Variants in DPP6 observed in about 807,000 individuals in gnomAD.
DPP6 encodes A-type potassium channel modulatory protein DPP6.
A neutral mutation model predicts 122.6 loss-of-function variants in DPP6; 69 were observed. The ratio of observed to expected loss-of-function variants is 0.56; its 90% CI spans 0.46 to 0.69. The LOEUF is 0.69. Ranked by LOEUF, DPP6 falls within the 30% of genes least tolerant of loss-of-function variation. The pLI, the probability that DPP6 is intolerant of heterozygous loss-of-function variation, is 0.00. For missense variants in DPP6, 928 were observed against 1,116.9 expected (o/e 0.83, Z 2.41); for synonymous variants, 418 against 433.1 (o/e 0.97, Z 0.43).
chr7:154,453,119 A>G (rs1820531053), intron 2 of DPP6, among the ~76,000 whole-genome samples: 1 of 152,180 alleles, frequency 6.6e-6, no homozygotes, highest in African/African-American at 2.4e-5. Context: ...CTCCGGTGCC[A>G]CAATCGCTGA....
chr7:154,085,942 C>T (rs1191410374), intron 1 of DPP6, among the ~76,000 whole-genome samples: 3 of 151,898 alleles, frequency 2.0e-5, no homozygotes, highest in Admixed American at 6.6e-5. Context: ...TGGCCAGGCT[C>T]GTCTTGAACT....
chr7:154,187,154 AC>A (rs1306357496), intron 1 of DPP6, among the ~76,000 whole-genome samples: 4 of 152,218 alleles, frequency 2.6e-5, no homozygotes, highest in African/African-American at 7.2e-5. Flanking sequence ...CAAGAACTGG[AC>A]TTTGGGTACT....
intron 9 of DPP6, among the ~76,000 whole-genome samples, chr7:154,772,223 G>C (rs980487952): frequency 6.6e-6 from 1 of 152,196 alleles, no homozygotes; most frequent in South Asian, 2.1e-4. Flanking sequence ...TCAGAGGCAT[G>C]AATAGGCAAG....
intron 1 of DPP6, among the ~76,000 whole-genome samples, chr7:154,440,071 A>AGATGAT (rs1383002657): frequency 1.3e-5 from 2 of 152,244 alleles, no homozygotes; most frequent in East Asian, 3.9e-4. Context: ...GCTTCCACTA[A>AGATGAT]GATGATGATG....
At chr7:153,880,325 T>A in the DPP6 span, among the ~76,000 whole-genome samples, 1 of 152,250 alleles carries the variant, frequency 6.6e-6, no homozygotes, top group South Asian at 2.1e-4. Flanking sequence ...ATATGTAAAG[T>A]AATTTCACAT....
At chr7:153,768,830 AT>A in the DPP6 span, among the ~76,000 whole-genome samples, 1 of 152,200 alleles carries the variant, frequency 6.6e-6, no homozygotes, top group African/African-American at 2.4e-5. Flanking sequence ...AAAGCTCTTA[AT>A]TTTAATAAAG....
At chr7:154,300,012 A>G (rs6960888) in intron 1 of DPP6, among the ~76,000 whole-genome samples, 6,042 of 152,296 alleles carry the variant, frequency 0.04, 176 homozygotes, top group African/African-American at 0.071. Context: ...TCCCAAGTGA[A>G]AACGCCTCTC....
At chr7:154,343,215 T>C (rs893328294) in intron 1 of DPP6, among the ~76,000 whole-genome samples, 9 of 152,198 alleles carry the variant, frequency 5.9e-5, no homozygotes, top group African/African-American at 1.9e-4. Flanking sequence ...GCCACACACT[T>C]TGTGGCTTCC....
intron 1 of DPP6, among the ~76,000 whole-genome samples, chr7:153,926,101 G>T (rs1274510127): frequency 1.3e-5 from 2 of 152,150 alleles, no homozygotes; most frequent in African/African-American, 4.8e-5. Flanking sequence ...CATTCAACAA[G>T]AATTGATGGG....
At chr7:153,938,911 C>T (rs1055480196) in intron 1 of DPP6, among the ~76,000 whole-genome samples, 1 of 152,126 alleles carries the variant, frequency 6.6e-6, no homozygotes, top group Non-Finnish European at 1.5e-5. Context: ...CTGATCAAAT[C>T]GTTTCATTAA....
At chr7:153,933,474 A>G (rs1801271245) in intron 1 of DPP6, among the ~76,000 whole-genome samples, 1 of 152,184 alleles carries the variant, frequency 6.6e-6, no homozygotes, top group Non-Finnish European at 1.5e-5. Context: ...CTGTGTCTTT[A>G]TCAACAGCAC....
chr7:154,223,802 G>A (rs1264864912), intron 1 of DPP6, among the ~76,000 whole-genome samples: 1 of 148,818 alleles, frequency 6.7e-6, no homozygotes, highest in African/African-American at 2.6e-5. Context: ...CTTCACATTT[G>A]CACACAGGGA....
At chr7:154,129,101 C>T (rs1356206227) in intron 1 of DPP6, among the ~76,000 whole-genome samples, 1 of 152,004 alleles carries the variant, frequency 6.6e-6, no homozygotes. Context: ...GTTCTTTCTA[C>T]CCACATGCCA....
chr7:154,826,310 T>C (rs895316418), intron 16 of DPP6, among the ~76,000 whole-genome samples: 1 of 152,230 alleles, frequency 6.6e-6, no homozygotes, highest in Admixed American at 6.5e-5. Context: ...TTCTAGACAT[T>C]AAATTGGGTG....
At chr7:154,796,938 C>T (rs1409294096) in intron 12 of DPP6, among the ~76,000 whole-genome samples, 1 of 152,236 alleles carries the variant, frequency 6.6e-6, no homozygotes, top group African/African-American at 2.4e-5. Flanking sequence ...TTTCATTTTA[C>T]ATGTCCCAAT....
chr7:154,253,408 C>T (rs1252831789), intron 1 of DPP6, among the ~76,000 whole-genome samples: 1 of 152,336 alleles, frequency 6.6e-6, no homozygotes, highest in African/African-American at 2.4e-5. Flanking sequence ...CAAGAAAGCC[C>T]TTGCAGCAAG....
intron 1 of DPP6, among the ~76,000 whole-genome samples, chr7:154,041,809 C>A (rs1364430543): frequency 1.3e-5 from 2 of 151,928 alleles, no homozygotes; most frequent in African/African-American, 4.8e-5. Flanking sequence ...GGCTGGAGTG[C>A]AGTGAGTGGT....
intron 5 of DPP6, among the ~76,000 whole-genome samples, chr7:154,576,131 G>A (rs1328603884): frequency 6.6e-6 from 1 of 151,920 alleles, no homozygotes; most frequent in Non-Finnish European, 1.5e-5. Context: ...CCCCACACAG[G>A]GACACCGCTG....
chr7:154,213,688 A>T (rs1019882158), intron 1 of DPP6, among the ~76,000 whole-genome samples: 13 of 151,738 alleles, frequency 8.6e-5, no homozygotes, highest in Non-Finnish European at 1.8e-4. Context: ...TAAGATTTGA[A>T]CCCCACCACC....
Sources: allele counts gnomAD v4.1 joint callset (sites outside exome capture counted in the v4.1 genomes callset), GRCh38; gene constraint gnomAD v4.1.1; transcripts MANE v1.5; gene names NCBI Gene and HGNC (gene_info 2026-07-23, HGNC 2026-07-21).